DENND1B: variants seen among roughly 807,000 people sequenced by gnomAD.
DENND1B encodes the protein DENN domain containing 1B, also known as DENN domain-containing protein 1B.
In DENND1B, 59 loss-of-function variants were observed where a neutral mutation model predicts 90.1. The observed-to-expected ratio is 0.65, with a 90% confidence interval of 0.53 to 0.81. The LOEUF (loss-of-function observed/expected upper bound fraction) is 0.81. Ranked by LOEUF, DENND1B falls within the 40% of genes least tolerant of loss-of-function variation. The probability of loss-of-function intolerance (pLI) is 0.00; values close to 1 mark genes in which losing one functional copy is unlikely to be tolerated. For synonymous variants in DENND1B, 337 were observed against 324.6 expected, an observed-to-expected ratio of 1.04 and a Z score of -0.41; for missense variants, 862 against 912.6, an observed-to-expected ratio of 0.94 and a Z score of 0.71.
chr1:197,701,312 A>G lies in DENND1B; in HGVS notation c.126+13719T>C, dbSNP rs1659003937. On this transcript the variant is annotated intron_variant, in intron 3 of 22. Coordinates refer to ENST00000620048, the MANE Select transcript of DENND1B (RefSeq NM_001195215.2). Reference sequence around the variant, plus strand: ...GATGAAGCTGGAAGCCATCTTCCTCAGCAAACTAACACAGGAACAGAAAAC... The same window carrying G: ...GATGAAGCTGGAAGCCATCTTCCTCGGCAAACTAACACAGGAACAGAAAAC... 5.9e-5 allele frequency among the ~76,000 whole-genome samples: 9 copies of G among 152,332 alleles called. 1 individual carries two copies. In the South Asian group the frequency reaches 1.9e-3, roughly 32 times the overall value.
In DENND1B at chr1:197,507,992, G is replaced by C. The variant is rs1210624473; in HGVS notation, c.*2468C>G. On this transcript the variant is annotated 3_prime_UTR_variant, in exon 23 of 23. Transcript: ENST00000620048. Reference sequence around the variant, plus strand: ...GGCACAAATCACTTTTAAATACCTTGAGACAATTATTTATGAGTGGCTAAA... The same window carrying C: ...GGCACAAATCACTTTTAAATACCTTCAGACAATTATTTATGAGTGGCTAAA... The C allele has an allele frequency of 4.6e-5, 7 of 151,432 alleles. No homozygotes were observed. The highest frequency in any genetic ancestry group is 8.9e-5 in the Non-Finnish European group (6 of 67,690). The allele number at this position is 151,432 out of a possible 1,614,324, so 9.4% of individuals were successfully genotyped here. A position where few individuals can be genotyped will look rare whatever the true frequency, so the allele number is the denominator to read the frequency against.
At chr1:197,759,173 G>A (rs1008305150) in intron 2 of DENND1B, among the ~76,000 whole-genome samples, 3 of 150,854 alleles carry the variant, frequency 2.0e-5, no homozygotes, top group Non-Finnish European at 4.4e-5. Context: ...AGTTTCACAC[G>A]TTGCCCAGGT....
intron 2 of DENND1B, among the ~76,000 whole-genome samples, chr1:197,770,164 T>C (rs545363078): frequency 1.3e-5 from 2 of 152,282 alleles, no homozygotes; most frequent in South Asian, 2.1e-4. Flanking sequence ...AAAATATCTT[T>C]AGAATTTTCT....
At chr1:197,527,312 G>GTTTTTTTTTTTTTTTTTTTTTT (rs148417732) in intron 20 of DENND1B, among the ~76,000 whole-genome samples, 1 of 140,932 alleles carries the variant, frequency 7.1e-6, no homozygotes, top group Non-Finnish European at 1.5e-5. Flanking sequence ...GTTTTTTTTT[G>GTTTTTTTTTTTTTTTTTTTTTT]TTTTTGTTTT....
At chr1:197,754,356 G>A (rs572161513) in intron 2 of DENND1B, among the ~76,000 whole-genome samples, 1 of 152,152 alleles carries the variant, frequency 6.6e-6, no homozygotes, top group East Asian at 1.9e-4. Context: ...TACATACACA[G>A]TCGGCCCATA....
intron 2 of DENND1B, chr1:197,746,624 C>T: frequency 1.6e-6 from 1 of 606,926 alleles, no homozygotes; most frequent in Non-Finnish European, 3.0e-6. Context: ...TAATCAAACT[C>T]CCAAATTTTA....
At chr1:197,714,882 A>C (rs1660489891) in intron 3 of DENND1B, 149 bp downstream of exon 3, 1 of 665,750 alleles carries the variant, frequency 1.5e-6, no homozygotes, top group Non-Finnish European at 2.7e-6. Flanking sequence ...TATTCCGCAC[A>C]CATGCATTTT....
intron 20 of DENND1B, among the ~76,000 whole-genome samples, chr1:197,522,111 A>T (rs1668819024): frequency 6.6e-6 from 1 of 152,098 alleles, no homozygotes. Context: ...CTCATTTTTT[A>T]AGGCAAGTGG....
chr1:197,633,708 C>T (rs953813378), intron 10 of DENND1B, among the ~76,000 whole-genome samples: 2 of 152,160 alleles, frequency 1.3e-5, no homozygotes, highest in Non-Finnish European at 2.9e-5. Context: ...GTACCCCTGG[C>T]TCTTGCAGCA....
intron 16 of DENND1B, among the ~76,000 whole-genome samples, chr1:197,549,604 TTTC>T (rs1671068305): frequency 6.6e-6 from 1 of 152,160 alleles, no homozygotes; most frequent in African/African-American, 2.4e-5. Flanking sequence ...CTACTCAATA[TTTC>T]TTACCTGCTT....
chr1:197,581,024 T>A (rs1674189197), intron 15 of DENND1B, among the ~76,000 whole-genome samples: 1 of 152,212 alleles, frequency 6.6e-6, no homozygotes, highest in Non-Finnish European at 1.5e-5. Flanking sequence ...CCTCTCAAAT[T>A]TGAAGCATAA....
At chr1:197,723,731 T>A (rs1306516347) in intron 2 of DENND1B, among the ~76,000 whole-genome samples, 3 of 152,116 alleles carry the variant, frequency 2.0e-5, no homozygotes, top group Non-Finnish European at 4.4e-5. Flanking sequence ...TTATTATGAT[T>A]CCTTTAAGGA....
chr1:197,566,837 G>A (rs577451902), intron 15 of DENND1B, among the ~76,000 whole-genome samples: 5 of 152,092 alleles, frequency 3.3e-5, no homozygotes, highest in African/African-American at 9.6e-5. Flanking sequence ...TCTGAGCTTG[G>A]TCTTAAAGAA....
At chr1:197,767,063 GA>G (rs1655791841) in intron 2 of DENND1B, among the ~76,000 whole-genome samples, 1 of 151,900 alleles carries the variant, frequency 6.6e-6, no homozygotes, top group African/African-American at 2.4e-5. Flanking sequence ...CAAAGTGCTG[GA>G]ATTACAGGTG....
chr1:197,538,459 G>T (rs939702288), intron 20 of DENND1B, among the ~76,000 whole-genome samples: 2 of 152,056 alleles, frequency 1.3e-5, no homozygotes, highest in African/African-American at 4.8e-5. Context: ...AATCAGTACT[G>T]ACTATCAGTA....
intron 13 of DENND1B, among the ~76,000 whole-genome samples, chr1:197,600,097 CATT>C (rs1293102927): frequency 6.6e-6 from 1 of 151,776 alleles, no homozygotes; most frequent in Non-Finnish European, 1.5e-5. Context: ...TACTCATCAT[CATT>C]GAGGCCAATT....
At chr1:197,760,066 A>C (rs1196377061) in intron 2 of DENND1B, among the ~76,000 whole-genome samples, 1 of 152,196 alleles carries the variant, frequency 6.6e-6, no homozygotes, top group Non-Finnish European at 1.5e-5. Context: ...TTTTTGAAGA[A>C]CTAAGATACC....
intron 2 of DENND1B, among the ~76,000 whole-genome samples, chr1:197,738,287 G>C (rs761379686): frequency 2.6e-5 from 4 of 152,178 alleles, no homozygotes; most frequent in Non-Finnish European, 4.4e-5. Flanking sequence ...TTTAGACATA[G>C]AAGTATTTTC....
chr1:197,708,095 T>C (rs1481066056), intron 3 of DENND1B, among the ~76,000 whole-genome samples: 3 of 129,868 alleles, frequency 2.3e-5, no homozygotes, highest in Non-Finnish European at 1.6e-5. Context: ...GGAATCGCGC[T>C]GATTGCTAGC....
Sources: allele counts gnomAD v4.1 joint callset (sites outside exome capture counted in the v4.1 genomes callset), GRCh38; gene constraint gnomAD v4.1.1; transcripts MANE v1.5; gene names NCBI Gene and HGNC (gene_info 2026-07-23, HGNC 2026-07-21).